Variants in PLA2G6 observed in about 807,000 individuals in gnomAD.
The protein encoded by PLA2G6 is 85/88 kDa calcium-independent phospholipase A2.
In PLA2G6, 62 loss-of-function variants were observed where a neutral mutation model predicts 83.8. The observed-to-expected ratio is 0.74, with a 90% CI of 0.60 to 0.91. PLA2G6 has a LOEUF of 0.91. Among genes scored for constraint, PLA2G6 ranks in the 40% least tolerant of loss-of-function variants. PLA2G6 has a pLI of 0.00. For synonymous variants in PLA2G6, 417 were observed against 449.8 expected (o/e 0.93, Z 0.92); for missense variants, 944 against 1,102.0 (o/e 0.86, Z 2.03).
At chr22:38,117,260 A>G (rs1189854784) in intron 12 of PLA2G6, among the ~76,000 whole-genome samples, 1 of 152,180 alleles carries the variant, frequency 6.6e-6, no homozygotes, top group Non-Finnish European at 1.5e-5. Context: ...AGGCTGTAGT[A>G]CAGTGGCGCA....
At chr22:38,130,234 T>G (rs996612114) in intron 7 of PLA2G6, 1 of 169,264 alleles carries the variant, frequency 5.9e-6, no homozygotes, top group Non-Finnish European at 1.3e-5. Context: ...TTCCAAACAG[T>G]TCTTCACATT....
At chr22:38,148,401 C>T in intron 2 of PLA2G6, 1 of 674,396 alleles carries the variant, frequency 1.5e-6, no homozygotes, top group South Asian at 1.6e-5. Context: ...TGAAACAGAC[C>T]ACCTACTGAG....
chr22:38,165,300 C>T (rs132964), intron 2 of PLA2G6, among the ~76,000 whole-genome samples: 17,667 of 152,200 alleles, frequency 0.12, 1,244 homozygotes, highest in African/African-American at 0.18. Context: ...ACCCAACAGA[C>T]ACAGTCCCTC....
In PLA2G6 at chr22:38,114,683, C is replaced by T. The variant is rs558208205; in HGVS notation, c.2034+844G>A. 1.0e-3 allele frequency among the ~76,000 whole-genome samples: 157 copies of T among 152,340 alleles called. 1 individual carries two copies. The highest frequency in any genetic ancestry group is 6.8e-3 in the Middle Eastern group (2 of 294). On this transcript the variant is annotated intron_variant, in intron 14 of 16. Transcript: ENST00000332509. Reference sequence around the variant, plus strand: ...CCGATCTGGCCCCTAGAGGGCGCTTCTCTGTCTGCCCAGAGCCTCTGCTGC... The same window carrying T: ...CCGATCTGGCCCCTAGAGGGCGCTTTTCTGTCTGCCCAGAGCCTCTGCTGC...
intron 2 of PLA2G6, among the ~76,000 whole-genome samples, chr22:38,164,672 ACTGCAGCAAC>A (rs2090147916): frequency 6.6e-6 from 1 of 152,192 alleles, no homozygotes; most frequent in Non-Finnish European, 1.5e-5. Context: ...CTGGCAGCTC[ACTGCAGCAAC>A]AGCAGCAAAA....
At chr22:38,166,290 G>A (rs1602258006) in intron 2 of PLA2G6, among the ~76,000 whole-genome samples, 1 of 152,176 alleles carries the variant, frequency 6.6e-6, no homozygotes, top group African/African-American at 2.4e-5. Context: ...AAAGGTGGAT[G>A]TGATGGCTGG....
chr22:38,137,042 G>A (rs1214384512), intron 5 of PLA2G6: 2 of 152,200 alleles, frequency 1.3e-5, no homozygotes, highest in African/African-American at 2.4e-5. Context: ...TTGGCCCTCA[G>A]CTTTAGAGGG....
chr22:38,117,901 T>A (rs1427425612), intron 12 of PLA2G6, among the ~76,000 whole-genome samples: 1 of 151,812 alleles, frequency 6.6e-6, no homozygotes, highest in African/African-American at 2.4e-5. Context: ...CCGGGCATGG[T>A]GGTGCACGCC....
At chr22:38,141,478 T>G (rs1159150708) in intron 4 of PLA2G6, 1 of 152,358 alleles carries the variant, frequency 6.6e-6, no homozygotes, top group African/African-American at 2.4e-5. Context: ...GCAGTCCCAC[T>G]GGACCTGAAG....
At position 38,111,669 on chromosome 22, in the gene PLA2G6, G is replaced by C; in HGVS notation, c.*492C>G. The stretch of plus-strand genomic sequence containing the variant: ...ACGGGCATCCCACTCCTGCGGCCTG[G>C]GCTTTCCCAGCTGATGGGGTGGGGG... On this transcript the variant is annotated 3_prime_UTR_variant, in exon 17 of 17. Transcript: ENST00000332509. 4.6e-6 allele frequency: 1 copy of C among 215,976 alleles called. No homozygotes were observed. Among genetic ancestry groups the C allele is most frequent in the South Asian group, 6.6e-5 (1 of 15,188 alleles). The allele number at this position is 215,976 out of a possible 1,614,324, so 13.4% of individuals were successfully genotyped here. A position where few individuals can be genotyped will look rare whatever the true frequency, so the allele number is the denominator to read the frequency against.
intron 2 of PLA2G6, among the ~76,000 whole-genome samples, chr22:38,157,060 A>G (rs139305545): frequency 2.6e-5 from 4 of 152,338 alleles, no homozygotes; most frequent in Non-Finnish European, 4.4e-5. Flanking sequence ...GATGTCTCTT[A>G]AAGAACTAGA....
rs2145723179 is a variant in PLA2G6 at position 38,123,408 on chromosome 22, G to C, written c.1428-150C>G. The C allele has an allele frequency of 1.3e-6, 1 of 786,190 alleles. No homozygotes were observed. Among genetic ancestry groups the C allele is most frequent in the South Asian group, 1.5e-5 (1 of 68,128 alleles). The allele number at this position is 786,190 out of a possible 1,614,324, so 48.7% of individuals were successfully genotyped here. A position where few individuals can be genotyped will look rare whatever the true frequency, so the allele number is the denominator to read the frequency against. On this transcript the variant is annotated intron_variant, in intron 10 of 16. Transcript: ENST00000332509. This position sits in a 1 kb window ranked among gnomAD's most constrained non-coding sequence, Gnocchi z 4.1. ...ACTTCTGTCCTATGCAGGACAGCGA[G>C]GGTGGGGGTGAGGGCAGTAAAGGAA...
intron 3 of PLA2G6, 70 bp downstream of exon 3, chr22:38,145,368 C>G: frequency 7.7e-7 from 1 of 1,296,248 alleles, no homozygotes; most frequent in Middle Eastern, 2.6e-4. Context: ...GGAACCGAGG[C>G]CTGCGGCCCC....
At chr22:38,171,753 G>A (rs1047671518) in intron 1 of PLA2G6, among the ~76,000 whole-genome samples, 1 of 151,638 alleles carries the variant, frequency 6.6e-6, no homozygotes, top group Non-Finnish European at 1.5e-5. Flanking sequence ...CCCGGGAGGT[G>A]GAGGTTGCAG....
intron 2 of PLA2G6, among the ~76,000 whole-genome samples, chr22:38,154,518 G>A (rs1037736334): frequency 2.6e-5 from 4 of 152,216 alleles, no homozygotes; most frequent in South Asian, 2.1e-4. Flanking sequence ...GTACCTTTAC[G>A]AGTCTGCAAG....
At chr22:38,137,623 C>T (rs2088638113) in intron 5 of PLA2G6, 2 of 152,264 alleles carry the variant, frequency 1.3e-5, no homozygotes, top group Non-Finnish European at 2.9e-5. Flanking sequence ...CACCTGAGGT[C>T]AGGAGTTCAA....
intron 2 of PLA2G6, among the ~76,000 whole-genome samples, chr22:38,158,170 CTTT>C (rs558539609): frequency 2.9e-5 from 4 of 136,482 alleles, no homozygotes; most frequent in East Asian, 2.1e-4. Context: ...TTTTTCTTTT[CTTT>C]TTTTTTTTTT....
intron 1 of PLA2G6, among the ~76,000 whole-genome samples, chr22:38,172,561 A>T (rs1043314508): frequency 6.6e-6 from 1 of 152,162 alleles, no homozygotes; most frequent in African/African-American, 2.4e-5. Flanking sequence ...ATGTAAAGCG[A>T]TTATAGTTTT....
intron 3 of PLA2G6, 114 bp from the exon 4 acceptor site, chr22:38,143,402 T>A: frequency 1.0e-6 from 1 of 990,630 alleles, no homozygotes; most frequent in South Asian, 1.3e-5. Flanking sequence ...TCTGGTTTAT[T>A]TGAGCTCAAG....
Sources: gnomAD v4.1 joint callset for allele counts (sites outside exome capture counted in the v4.1 genomes callset) on GRCh38, gnomAD v4.1.1 for gene constraint, Gnocchi (gnomAD v3.1) non-coding constraint, MANE v1.5 for transcripts, NCBI Gene and HGNC (gene_info 2026-07-23, HGNC 2026-07-21) for gene names.